DOCK5: variants seen among roughly 807,000 people sequenced by gnomAD.
DOCK5 encodes the protein dedicator of cytokinesis 5, also known as dedicator of cytokinesis protein 5.
Under a neutral mutation model 251.8 loss-of-function variants are expected in DOCK5, and 142 were observed. That is an observed-to-expected ratio of 0.56 (90% CI 0.49 to 0.65). The LOEUF is 0.65. Among genes scored for constraint, DOCK5 ranks in the 30% least tolerant of loss-of-function variants. The pLI is 0.00. For missense variants in DOCK5, 2,111 were observed against 2,312.3 expected (o/e 0.91, Z 1.79); for synonymous variants, 842 against 835.5 (o/e 1.01, Z -0.13).
At position 25,368,041 on chromosome 8, in the gene DOCK5, G is replaced by A. The variant is rs539395252; in HGVS notation, c.3225-151G>A. On this transcript the variant is annotated intron_variant, in intron 31 of 51. Transcript: ENST00000276440. ...GCCTCTGTGCGCCTCATTCCTTTTG[G>A]GGGCTCGTTTAGGTATGAACCTCAT... The A allele has an allele frequency of 2.1e-5, 12 of 570,100 alleles. 1 individual carries two copies. Among genetic ancestry groups the A allele is most frequent in the Middle Eastern group, 8.5e-4 (2 of 2,340 alleles). 35.3% of individuals were successfully genotyped at this position (570,100 alleles called of 1,614,324 possible).
intron 1 of DOCK5, 55 bp downstream of exon 1, chr8:25,185,006 C>G: frequency 7.7e-7 from 1 of 1,303,872 alleles, no homozygotes; most frequent in Non-Finnish European, 9.8e-7. Context: ...AGTTCGCGGA[C>G]AGCGGCCCTG....
intron 1 of DOCK5, among the ~76,000 whole-genome samples, chr8:25,189,547 G>A (rs1305065688): frequency 6.6e-6 from 1 of 152,134 alleles, no homozygotes; most frequent in East Asian, 1.9e-4. Flanking sequence ...TTTTTGTAGG[G>A]ATGGAGTTTC....
intron 27 of DOCK5, among the ~76,000 whole-genome samples, chr8:25,352,368 A>G (rs1800487032): frequency 6.6e-6 from 1 of 152,136 alleles, no homozygotes; most frequent in African/African-American, 2.4e-5. Flanking sequence ...GATTCAAGGA[A>G]GAAACCAAAC....
intron 12 of DOCK5, 32 bp from the exon 13 acceptor site, chr8:25,310,375 G>A: frequency 6.3e-7 from 1 of 1,587,970 alleles, no homozygotes; most frequent in African/African-American, 1.4e-5. Context: ...ATCATACAAA[G>A]AACTAAACGT....
chr8:25,265,181 G>A (rs564692914), intron 2 of DOCK5, among the ~76,000 whole-genome samples: 2 of 152,074 alleles, frequency 1.3e-5, no homozygotes, highest in Admixed American at 6.5e-5. Flanking sequence ...CCTTTTAGAA[G>A]CATTAAGTCT....
intron 18 of DOCK5, among the ~76,000 whole-genome samples, chr8:25,326,945 A>G (rs1805579396): frequency 6.6e-6 from 1 of 152,202 alleles, no homozygotes; most frequent in Non-Finnish European, 1.5e-5. Context: ...ACTTTTTAAC[A>G]CTATATACAG....
chr8:25,289,350 C>G (rs1178872947), intron 5 of DOCK5, among the ~76,000 whole-genome samples: 1 of 151,550 alleles, frequency 6.6e-6, no homozygotes, highest in African/African-American at 2.4e-5. Context: ...CAAGGTCTCG[C>G]TATGTTGCCC....
At chr8:25,408,686 C>A in intron 49 of DOCK5, 116 bp from the exon 50 acceptor site, 1 of 1,259,174 alleles carries the variant, frequency 7.9e-7, no homozygotes. Context: ...TTAAAAATCG[C>A]TCCTTCAGTT....
intron 27 of DOCK5, among the ~76,000 whole-genome samples, chr8:25,354,225 G>T (rs1800526191): frequency 6.6e-6 from 1 of 151,952 alleles, no homozygotes; most frequent in Non-Finnish European, 1.5e-5. Flanking sequence ...CAGGATTGAA[G>T]AACATTGCGT....
chr8:25,314,744 T>TCCAC (rs1805197291), intron 13 of DOCK5, among the ~76,000 whole-genome samples: 2 of 47,102 alleles, frequency 4.2e-5, no homozygotes, highest in Admixed American at 2.3e-4. Context: ...CATCCCTCCC[T>TCCAC]CCACCCACCC....
intron 7 of DOCK5, among the ~76,000 whole-genome samples, chr8:25,297,099 A>G (rs1202985589): frequency 1.3e-5 from 2 of 151,676 alleles, no homozygotes; most frequent in Non-Finnish European, 2.9e-5. Flanking sequence ...TTTTTTATTT[A>G]TATGTTTATT....
chr8:25,305,774 C>T (rs921825123), intron 11 of DOCK5, among the ~76,000 whole-genome samples: 9 of 152,102 alleles, frequency 5.9e-5, no homozygotes, highest in African/African-American at 2.2e-4. Context: ...AGGAGACATA[C>T]ATTACTTATA....
chr8:25,280,329 C>T (rs1399262686), intron 5 of DOCK5, among the ~76,000 whole-genome samples: 2 of 152,180 alleles, frequency 1.3e-5, no homozygotes, highest in South Asian at 4.1e-4. Flanking sequence ...CATTTTAACT[C>T]TGAAAAGCCA....
intron 1 of DOCK5, among the ~76,000 whole-genome samples, chr8:25,185,995 T>C (rs759879536): frequency 1.8e-4 from 27 of 152,178 alleles, no homozygotes; most frequent in Non-Finnish European, 3.4e-4. Flanking sequence ...ATCCATTCAT[T>C]TGGCCTGTTT....
intron 13 of DOCK5, among the ~76,000 whole-genome samples, chr8:25,311,994 A>C (rs546758020): frequency 6.6e-6 from 1 of 152,326 alleles, no homozygotes; most frequent in South Asian, 2.1e-4. Flanking sequence ...ATTAAGGGGC[A>C]GTGATAACTT....
At position 25,314,285 on chromosome 8, in the gene DOCK5, T is replaced by A. The variant is rs1005420960; in HGVS notation, c.1319-2722T>A. The stretch of plus-strand genomic sequence containing the variant: ...AGCCACCACATCTGGCTAATTTAAT[T>A]TTTTTTTTTTTTTTGTAGAGATCAA... On this transcript the variant is annotated intron_variant, in intron 13 of 51. Coordinates refer to ENST00000276440, the MANE Select transcript of DOCK5 (RefSeq NM_024940.8). 9.9e-3 allele frequency among the ~76,000 whole-genome samples: 1,318 copies of A among 133,046 alleles called. 26 individuals carry two copies. Among genetic ancestry groups the A allele is most frequent in the African/African-American group, 0.036 (1,272 of 35,336 alleles). 87.3% of individuals were successfully genotyped at this position (133,046 alleles called of 152,430 possible).
chr8:25,269,223 T>C (rs1226302719), intron 3 of DOCK5, among the ~76,000 whole-genome samples: 1 of 152,226 alleles, frequency 6.6e-6, no homozygotes, highest in East Asian at 1.9e-4. Flanking sequence ...TCTCCCTTTG[T>C]CCTTTACTTC....
At chr8:25,407,594 G>A (rs1314354063) in intron 48 of DOCK5, among the ~76,000 whole-genome samples, 2 of 152,064 alleles carry the variant, frequency 1.3e-5, no homozygotes, top group African/African-American at 2.4e-5. Flanking sequence ...TGAGGAGGCC[G>A]GGCATGGTGG....
intron 46 of DOCK5, 63 bp downstream of exon 46, chr8:25,400,057 C>T (rs1801411402): frequency 6.5e-6 from 9 of 1,377,098 alleles, no homozygotes; most frequent in Non-Finnish European, 9.2e-6. Flanking sequence ...CATTATTCTC[C>T]AGGGCTTAAG....
Sources: gnomAD v4.1 joint callset for allele counts (sites outside exome capture counted in the v4.1 genomes callset) on GRCh38, gnomAD v4.1.1 for gene constraint, MANE v1.5 for transcripts, NCBI Gene and HGNC (gene_info 2026-07-23, HGNC 2026-07-21) for gene names.